TMEM176B: variants seen among roughly 807,000 people sequenced by gnomAD.
TMEM176B encodes LR8-like protein.
TMEM176B carries 28 observed loss-of-function variants against 30.3 expected under a neutral mutation model. The ratio of observed to expected loss-of-function variants is 0.92; its 90% CI spans 0.68 to 1.27. The LOEUF (loss-of-function observed/expected upper bound fraction) is 1.27. Among genes scored for constraint, TMEM176B ranks in the 50% most tolerant of loss-of-function variants. TMEM176B has a pLI of 0.00. For missense variants in TMEM176B, 349 were observed against 327.4 expected (o/e 1.07, Z -0.51); for synonymous variants, 123 against 130.3 (o/e 0.94, Z 0.38).
chr7:150,796,825 G>A (rs560328144), intron 1 of TMEM176B: 45 of 413,264 alleles, frequency 1.1e-4, no homozygotes, highest in Admixed American at 6.4e-4. Flanking sequence ...ACGGTGGTGT[G>A]CACCTGTAGT....
intron 1 of TMEM176B, 54 bp from the exon 2 acceptor site, chr7:150,796,628 A>C: frequency 6.5e-7 from 1 of 1,547,110 alleles, no homozygotes; most frequent in Non-Finnish European, 8.9e-7. Context: ...CGAGGGAAAA[A>C]TACACAGCAC....
chr7:150,793,996 T>A lies in TMEM176B; in HGVS notation c.280A>T (p.Ser94Cys), dbSNP rs3173833. 43 of 1,613,248 alleles carry A rather than the reference T, an allele frequency of 2.7e-5. No homozygotes were observed. Among genetic ancestry groups the A allele is most frequent in the African/African-American group, 2.3e-4 (17 of 74,794 alleles). The change falls in exon 3 of 7, where the codon AGT (serine) becomes TGT (cysteine). Residue 94 changes from serine (S) to cysteine (C), a missense_variant. Coordinates refer to ENST00000326442, the MANE Select transcript of TMEM176B (RefSeq NM_001101312.2). The part of the protein sequence containing the change: ...CLSLGPWTVL[S>C]ASGCAFWAGS... ...GCCCAGAAGGCACAGCCTGAGGCAC[T>A]CAGCACAGTCCAGGGCCCCAAGCTG...
At chr7:150,798,425 G>T (rs1033217717) in intron 1 of TMEM176B, among the ~76,000 whole-genome samples, 1 of 152,110 alleles carries the variant, frequency 6.6e-6, no homozygotes, top group Non-Finnish European at 1.5e-5. Context: ...ACAGGCGCCC[G>T]CCATCAAGCC....
At position 150,791,311 on chromosome 7, in the gene TMEM176B, G is replaced by C. The variant is rs910782154; in HGVS notation, c.*220C>G. ...CTTTCTGGGCAAAACTGCTTTTCTG[G>C]ATTGTTTATTATGTTTAATCAGCAT... On this transcript the variant is annotated 3_prime_UTR_variant, in exon 7 of 7. Transcript: ENST00000326442. The C allele has an allele frequency of 6.4e-6, 3 of 467,574 alleles. No individual in the cohort carries two copies. The highest frequency in any genetic ancestry group is 5.9e-5 in the African/African-American group (3 of 51,088). The allele number at this position is 467,574 out of a possible 1,614,324, so 29.0% of individuals were successfully genotyped here. A position where few individuals can be genotyped will look rare whatever the true frequency, so the allele number is the denominator to read the frequency against.
At chr7:150,792,390 C>T (rs1222155655) in intron 5 of TMEM176B, among the ~76,000 whole-genome samples, 4 of 152,162 alleles carry the variant, frequency 2.6e-5, no homozygotes, top group Admixed American at 6.5e-5. Context: ...TCCTTCAACC[C>T]GTAGAATCTG....
At chr7:150,791,994 C>T in intron 6 of TMEM176B, 62 bp downstream of exon 6, 10 of 1,607,474 alleles carry the variant, frequency 6.2e-6, no homozygotes, top group Non-Finnish European at 8.5e-6. Context: ...CGCACTCCTA[C>T]CTGTCCCACA....
intron 1 of TMEM176B, 88 bp from the exon 2 acceptor site, chr7:150,796,662 C>T (rs62490424): frequency 0.15 from 200,707 of 1,334,304 alleles, 16,559 homozygotes; most frequent in Non-Finnish European, 0.17. Context: ...GAAATAGTGT[C>T]TTTGTCAAGA....
chr7:150,800,875 C>G (rs1488753453), upstream of TMEM176B: 3 of 981,630 alleles, frequency 3.1e-6, no homozygotes, highest in African/African-American at 5.3e-5. Context: ...TCCTTCCGCA[C>G]GCACCCCGAG....
chr7:150,791,678 G>C, intron 6 of TMEM176B, 55 bp from the exon 7 acceptor site: 1 of 1,494,694 alleles, frequency 6.7e-7, no homozygotes, highest in South Asian at 1.2e-5. Context: ...GGCAGAGTTA[G>C]TATCATAGAA....
chr7:150,792,242 C>A, intron 5 of TMEM176B, 67 bp from the exon 6 acceptor site: 1 of 1,589,316 alleles, frequency 6.3e-7, no homozygotes, highest in Non-Finnish European at 8.6e-7. Flanking sequence ...CATCACCACC[C>A]TCTCCACCCA....
At position 150,791,568 on chromosome 7, in the gene TMEM176B, G is replaced by A. The variant is rs369568484; in HGVS notation, c.776C>T (p.Pro259Leu). The A allele has an allele frequency of 1.2e-6, 2 of 1,613,992 alleles. No individual in the cohort carries two copies. The highest frequency in any genetic ancestry group is 3.3e-5 in the Admixed American group (2 of 60,012). Residue 259 changes from proline (P) to leucine (L), a missense_variant, in exon 7 of 7, where the codon CCC becomes CTC. Transcript: ENST00000326442. ...LLGENSVPPSPSREQTSTAIV... is the reference protein window; with the variant it reads ...LLGENSVPPSLSREQTSTAIV... ...GGCAGTGGAGGTCTGCTCCCTAGAG[G>A]GCGAAGGGGGCACTGAATTCTCCCC...
chr7:150,791,955 C>A, intron 6 of TMEM176B, 101 bp downstream of exon 6: 1 of 1,539,260 alleles, frequency 6.5e-7, no homozygotes, highest in Non-Finnish European at 8.8e-7. Context: ...GGCACCAGGC[C>A]CAGCCTCAGG....
chr7:150,796,796 T>TAAAAATAC (rs1459416037), intron 1 of TMEM176B: 5 of 520,944 alleles, frequency 9.6e-6, no homozygotes, highest in Non-Finnish European at 1.4e-5. Flanking sequence ...CCCTCTCTAC[T>TAAAAATAC]AAAAATACAA....
Position 150,793,186 on chromosome 7 carries a change from C to T in TMEM176B, c.502G>A (p.Asp168Asn). The change falls in exon 5 of 7, where the codon GAC (aspartate) becomes AAC (asparagine). Residue 168 changes from aspartate to asparagine, a missense_variant. By Grantham distance (23) the Asp-to-Asn change is conservative. Coordinates refer to ENST00000326442, the MANE Select transcript of TMEM176B (RefSeq NM_001101312.2). ...TACCCAGTGGTAGGGAAGACAGGGT[C>T]TGAGCGATCACACACAGTGTCGATG... ...LYIDTVCDRSDPVFPTTGYRW... is the reference protein window; with the variant it reads ...LYIDTVCDRSNPVFPTTGYRW... The T allele has an allele frequency of 1.2e-6, 2 of 1,614,174 alleles. No individual in the cohort carries two copies. Among genetic ancestry groups the T allele is most frequent in the Non-Finnish European group, 1.7e-6 (2 of 1,180,048 alleles).
At chr7:150,798,571 G>C (rs1384660501) in intron 1 of TMEM176B, among the ~76,000 whole-genome samples, 1 of 149,962 alleles carries the variant, frequency 6.7e-6, no homozygotes, top group Non-Finnish European at 1.5e-5. Flanking sequence ...CACCGCGCCC[G>C]GCCAGTTCTC....
At chr7:150,800,914 G>T (rs892655796), upstream of TMEM176B, 4 of 985,524 alleles carry the variant, frequency 4.1e-6, no homozygotes, top group African/African-American at 7.0e-5. Context: ...AGGAGCGTAG[G>T]AGGGACCCCC....
intron 2 of TMEM176B, 132 bp from the exon 3 acceptor site, chr7:150,794,203 C>T: frequency 1.6e-6 from 1 of 615,850 alleles, no homozygotes; most frequent in Non-Finnish European, 2.9e-6. Flanking sequence ...CTCTGCAGCT[C>T]TGATTCTGGA....
chr7:150,792,451 C>A (rs1020222539), intron 5 of TMEM176B, among the ~76,000 whole-genome samples: 1 of 152,198 alleles, frequency 6.6e-6, no homozygotes, highest in Admixed American at 6.5e-5. Flanking sequence ...TATACAGTGA[C>A]AGGGAAGCCC....
In TMEM176B at chr7:150,793,646, T is replaced by C. The variant is rs555992890; in HGVS notation, c.316-46A>G. Reference sequence around the variant, plus strand: ...AAGGCCTCCAGTTTACTCTTCTGAATTGGTCTATCATCACCCTCCCACCAG... The same window carrying C: ...AAGGCCTCCAGTTTACTCTTCTGAACTGGTCTATCATCACCCTCCCACCAG... On this transcript the variant is annotated intron_variant, in intron 3 of 6. Coordinates refer to ENST00000326442, the MANE Select transcript of TMEM176B (RefSeq NM_001101312.2). The C allele has an allele frequency of 1.7e-5, 27 of 1,598,416 alleles. No individual in the cohort carries two copies. In the East Asian group the frequency reaches 3.1e-4, roughly 19 times the overall value.
Sources: allele counts gnomAD v4.1 joint callset (sites outside exome capture counted in the v4.1 genomes callset), GRCh38; gene constraint gnomAD v4.1.1; transcripts MANE v1.5; gene names NCBI Gene and HGNC (gene_info 2026-07-23, HGNC 2026-07-21).